Variants in TTC6 observed in about 807,000 individuals in gnomAD.
TTC6 encodes tetratricopeptide repeat domain 6.
A neutral mutation model predicts 210.4 loss-of-function variants in TTC6; 172 were observed. The observed-to-expected ratio is 0.82, with a 90% CI of 0.72 to 0.93. The LOEUF (loss-of-function observed/expected upper bound fraction) is 0.93. Ranked by LOEUF, TTC6 falls within the 40% of genes least tolerant of loss-of-function variation. TTC6 has a pLI of 0.00. For synonymous variants in TTC6, 804 were observed against 819.6 expected, an observed-to-expected ratio of 0.98 and a Z score of 0.32; for missense variants, 2,414 against 2,318.1, an observed-to-expected ratio of 1.04 and a Z score of -0.85.
intron 14 of TTC6, among the ~76,000 whole-genome samples, chr14:37,770,553 T>A (rs986348062): frequency 6.6e-6 from 1 of 152,004 alleles, no homozygotes; most frequent in African/African-American, 2.4e-5. Context: ...TTTACCATTA[T>A]GTAATGGCCT....
rs548793602 is a variant in TTC6, at chr14:37,658,196, T to C, written c.940-21955T>C. 1.1e-3 allele frequency among the ~76,000 whole-genome samples: 175 copies of C among 152,354 alleles called. 1 individual carries two copies. The highest frequency in any genetic ancestry group is 4.2e-3 in the African/African-American group (173 of 41,588). The stretch of plus-strand genomic sequence containing the variant: ...TGTAATTATTCTCACTTATGAAATA[T>C]TCTTCTTTTTAAAAAACACCATTAA... On this transcript the variant is annotated intron_variant, in intron 1 of 30. Coordinates refer to ENST00000553443, the Ensembl canonical transcript of TTC6.
chr14:37,719,376 A>G (rs1238990911), intron 6 of TTC6, among the ~76,000 whole-genome samples: 1 of 152,146 alleles, frequency 6.6e-6, no homozygotes, highest in Non-Finnish European at 1.5e-5. Context: ...TTGTATGGAA[A>G]TGCAAAGAAA....
At position 37,748,926 on chromosome 14, in the gene TTC6, T is replaced by C; in HGVS notation, c.2364-13T>C. 7.0e-7 allele frequency: 1 copy of C among 1,434,540 alleles called. No individual in the cohort carries two copies. Among genetic ancestry groups the C allele is most frequent in the Non-Finnish European group, 9.1e-7 (1 of 1,100,136 alleles). 88.9% of individuals were successfully genotyped at this position (1,434,540 alleles called of 1,614,324 possible). A position where few individuals can be genotyped will look rare whatever the true frequency, so the allele number is the denominator to read the frequency against. On this transcript the variant is annotated splice_polypyrimidine_tract_variant and intron_variant, in intron 10 of 30. Coordinates refer to ENST00000553443, the Ensembl canonical transcript of TTC6. ...TTTCTGTAATTTAAAAAAATCACTCTTTTAAAAACTAGATCAGCATCTCAT... is the reference window on the plus strand; with the variant it reads ...TTTCTGTAATTTAAAAAAATCACTCCTTTAAAAACTAGATCAGCATCTCAT...
At chr14:37,682,795 T>C in exon 3 of TTC6, 1 of 1,535,642 alleles carries the variant, frequency 6.5e-7, no homozygotes, top group South Asian at 1.2e-5. Flanking sequence ...ATGTCAAGTA[T>C]TCTCCAGATT....
At chr14:37,822,321 G>C (rs2096159825) in intron 26 of TTC6, among the ~76,000 whole-genome samples, 1 of 152,040 alleles carries the variant, frequency 6.6e-6, no homozygotes, top group Admixed American at 6.6e-5. Context: ...GTGGAACCTG[G>C]GGCAACTTTC....
intron 1 of TTC6, among the ~76,000 whole-genome samples, chr14:37,599,250 T>G (rs998693625): frequency 3.3e-5 from 5 of 152,202 alleles, no homozygotes; most frequent in African/African-American, 1.2e-4. Flanking sequence ...TTTATTTTTC[T>G]TCCTCATCTT....
intron 24 of TTC6, 76 bp downstream of exon 26, chr14:37,808,922 C>A: frequency 1.4e-6 from 1 of 717,918 alleles, no homozygotes; most frequent in Non-Finnish European, 2.3e-6. Flanking sequence ...TTGTGGATTT[C>A]AATCAATAAA....
At chr14:37,717,934 G>C (rs1043633188) in intron 6 of TTC6, among the ~76,000 whole-genome samples, 3 of 152,128 alleles carry the variant, frequency 2.0e-5, no homozygotes, top group Admixed American at 6.5e-5. Flanking sequence ...ATTAGAAATG[G>C]GCAAGTTCAG....
At chr14:37,789,221 G>A (rs2096074032) in intron 15 of TTC6, among the ~76,000 whole-genome samples, 1 of 152,138 alleles carries the variant, frequency 6.6e-6, no homozygotes, top group Non-Finnish European at 1.5e-5. Flanking sequence ...AATAAGAAGT[G>A]TCTCAATATT....
At chr14:37,609,848 C>T (rs1300932918) in intron 2 of TTC6, among the ~76,000 whole-genome samples, 1 of 152,250 alleles carries the variant, frequency 6.6e-6, no homozygotes, top group Non-Finnish European at 1.5e-5. Flanking sequence ...GTAATTTACT[C>T]CTGGCCTGAA....
At chr14:37,753,178 C>T in exon 14 of TTC6, 14 of 1,535,180 alleles carry the variant, frequency 9.1e-6, no homozygotes, top group Non-Finnish European at 1.2e-5. Context: ...AACTGGTTTG[C>T]AGCCATAGAG....
At chr14:37,745,151 T>C (rs1353526534) in intron 10 of TTC6, among the ~76,000 whole-genome samples, 2 of 151,992 alleles carry the variant, frequency 1.3e-5, no homozygotes, top group African/African-American at 4.8e-5. Flanking sequence ...ACTAGGGAAA[T>C]GGAAAAGAAA....
At chr14:37,742,969 G>A (rs1172690100) in intron 10 of TTC6, among the ~76,000 whole-genome samples, 1 of 152,210 alleles carries the variant, frequency 6.6e-6, no homozygotes, top group Non-Finnish European at 1.5e-5. Flanking sequence ...GATTTGGGTA[G>A]TAAAATCGTC....
intron 1 of TTC6, among the ~76,000 whole-genome samples, chr14:37,639,619 C>A (rs558761434): frequency 2.6e-5 from 4 of 150,988 alleles, no homozygotes; most frequent in Non-Finnish European, 4.4e-5. Flanking sequence ...GCCTGTAATC[C>A]CAGCACTTTG....
At position 37,795,260 on chromosome 14, in the gene TTC6, C is replaced by A; in HGVS notation, c.3709-10C>A. The A allele has an allele frequency of 2.6e-6, 4 of 1,523,232 alleles. No homozygotes were observed. Among genetic ancestry groups the A allele is most frequent in the Non-Finnish European group, 3.5e-6 (4 of 1,138,818 alleles). The allele number at this position is 1,523,232 out of a possible 1,614,324, so 94.4% of individuals were successfully genotyped here. On this transcript the variant is annotated splice_polypyrimidine_tract_variant and intron_variant, in intron 17 of 30. Transcript: ENST00000553443. Reference sequence around the variant, plus strand: ...TATTAGGAGCTAAATTTCTGTTTCTCACTCAACAGTTGCATAAATTGAAAA... The same window carrying A: ...TATTAGGAGCTAAATTTCTGTTTCTAACTCAACAGTTGCATAAATTGAAAA...
At chr14:37,712,569 G>T (rs1040824729) in intron 5 of TTC6, among the ~76,000 whole-genome samples, 3 of 152,146 alleles carry the variant, frequency 2.0e-5, no homozygotes, top group Non-Finnish European at 2.9e-5. Flanking sequence ...TCACAGTTCT[G>T]CAGGGCTGAT....
rs1326964366 is a variant in TTC6, at chr14:37,770,705, G to A, written c.3267-16763G>A. On this transcript the variant is annotated intron_variant, in intron 14 of 30. Coordinates refer to ENST00000553443, the Ensembl canonical transcript of TTC6. ...TTTGAGCCTATGTGTGTCTCTGCACGTGAGATGGGTTTCCTGAATACAGCA... is the reference window on the plus strand; with the variant it reads ...TTTGAGCCTATGTGTGTCTCTGCACATGAGATGGGTTTCCTGAATACAGCA... 7.4e-5 allele frequency among the ~76,000 whole-genome samples: 11 copies of A among 149,042 alleles called. No homozygotes were observed. In the East Asian group the frequency reaches 9.9e-4, roughly 13 times the overall value.
intron 1 of TTC6, among the ~76,000 whole-genome samples, chr14:37,677,854 A>T (rs916632774): frequency 1.3e-5 from 2 of 152,006 alleles, no homozygotes; most frequent in African/African-American, 4.8e-5. Context: ...TAGATGATGT[A>T]TGTTCTATCT....
intron 16 of TTC6, 130 bp downstream of exon 18, chr14:37,790,967 A>G: frequency 4.2e-6 from 3 of 710,096 alleles, no homozygotes; most frequent in Non-Finnish European, 6.6e-6. Flanking sequence ...AAGTCATCCT[A>G]GAATTAGAAT....
Sources: gnomAD v4.1 joint callset for allele counts (sites outside exome capture counted in the v4.1 genomes callset) on GRCh38, gnomAD v4.1.1 for gene constraint, MANE v1.5 for transcripts, NCBI Gene and HGNC (gene_info 2026-07-23, HGNC 2026-07-21) for gene names.